Variants in AGBL4 observed in about 807,000 individuals in gnomAD.
The protein encoded by AGBL4 is AGBL carboxypeptidase 4.
A neutral mutation model predicts 66.4 loss-of-function variants in AGBL4; 58 were observed. The observed-to-expected ratio is 0.87, with a 90% confidence interval of 0.71 to 1.09. The LOEUF is 1.09. Among genes scored for constraint, AGBL4 ranks in the 50% least tolerant of loss-of-function variants. AGBL4 has a pLI of 0.00. For synonymous variants in AGBL4, 234 were observed against 222.9 expected (o/e 1.05, Z -0.44); for missense variants, 579 against 631.0 (o/e 0.92, Z 0.88).
intron 6 of AGBL4, among the ~76,000 whole-genome samples, chr1:48,740,197 T>C (rs1649692765): frequency 6.6e-6 from 1 of 152,184 alleles, no homozygotes. Flanking sequence ...ATCACAGGTA[T>C]AGGCCGGGGC....
chr1:49,948,580 T>TAGAG (rs1427799013), intron 1 of AGBL4, among the ~76,000 whole-genome samples: 13 of 126,848 alleles, frequency 1.0e-4, no homozygotes, highest in African/African-American at 3.3e-4. Flanking sequence ...TATATATATA[T>TAGAG]ATAGAGAGAG....
intron 9 of AGBL4, among the ~76,000 whole-genome samples, chr1:48,618,108 C>T (rs1645349508): frequency 6.6e-6 from 1 of 152,164 alleles, no homozygotes; most frequent in Non-Finnish European, 1.5e-5. Flanking sequence ...GTAGCTCACA[C>T]CTGTAATCCT....
chr1:49,785,057 C>A (rs1477078556), intron 2 of AGBL4, among the ~76,000 whole-genome samples: 1 of 151,944 alleles, frequency 6.6e-6, no homozygotes, highest in Non-Finnish European at 1.5e-5. Flanking sequence ...CATCTGAAAG[C>A]AAAGTGGCAA....
At chr1:49,240,062 ATAGAG>A (rs914361372) in intron 4 of AGBL4, among the ~76,000 whole-genome samples, 7 of 152,018 alleles carry the variant, frequency 4.6e-5, no homozygotes, top group Non-Finnish European at 1.0e-4. Context: ...GTTTTTAATA[ATAGAG>A]TAAAGGCCCC....
At chr1:49,964,123 T>C (rs1657354053) in intron 1 of AGBL4, among the ~76,000 whole-genome samples, 1 of 152,172 alleles carries the variant, frequency 6.6e-6, no homozygotes, top group Non-Finnish European at 1.5e-5. Flanking sequence ...TAGGATCTTG[T>C]GCGGATTCAG....
At chr1:49,194,529 T>C (rs926023876) in intron 4 of AGBL4, among the ~76,000 whole-genome samples, 1 of 152,216 alleles carries the variant, frequency 6.6e-6, no homozygotes, top group East Asian at 1.9e-4. Context: ...TTAATATTGA[T>C]ATGTGAGGTT....
intron 1 of AGBL4, among the ~76,000 whole-genome samples, chr1:49,989,825 TA>T (rs1204562570): frequency 2.0e-5 from 3 of 152,320 alleles, no homozygotes; most frequent in Non-Finnish European, 4.4e-5. Flanking sequence ...TTTACAGTAT[TA>T]TTTCCTTACA....
At chr1:48,837,629 G>C (rs1646705634) in intron 6 of AGBL4, among the ~76,000 whole-genome samples, 1 of 148,772 alleles carries the variant, frequency 6.7e-6, no homozygotes, top group Non-Finnish European at 1.5e-5. Context: ...CTATTGTGGG[G>C]CCTTGTGATT....
intron 3 of AGBL4, among the ~76,000 whole-genome samples, chr1:49,680,837 T>A (rs571963774): frequency 2.3e-4 from 35 of 152,258 alleles, no homozygotes; most frequent in African/African-American, 7.9e-4. Context: ...GGAACTTCAA[T>A]AACATGAATT....
rs185794753 is a variant in AGBL4, at chr1:49,120,977, T to C, written c.378-75177A>G. 2.6e-3 allele frequency among the ~76,000 whole-genome samples: 394 copies of C among 152,332 alleles called. 3 individuals are homozygous for C. The highest frequency in any genetic ancestry group is 9.2e-3 in the African/African-American group (383 of 41,588). On this transcript the variant is annotated intron_variant, in intron 4 of 13. Transcript: ENST00000371839. Reference sequence around the variant, plus strand: ...ATTTGATCTTCAATCACTGATACCCTTTCTTCCACTTGATCGAATGGGCTA... The same window carrying C: ...ATTTGATCTTCAATCACTGATACCCCTTCTTCCACTTGATCGAATGGGCTA...
intron 3 of AGBL4, among the ~76,000 whole-genome samples, chr1:49,669,468 A>G (rs1175995764): frequency 6.6e-6 from 1 of 152,170 alleles, no homozygotes; most frequent in Non-Finnish European, 1.5e-5. Flanking sequence ...AACCCACATG[A>G]CCATTGTCCC....
At chr1:49,108,800 C>T (rs547168547) in intron 4 of AGBL4, among the ~76,000 whole-genome samples, 7 of 152,222 alleles carry the variant, frequency 4.6e-5, no homozygotes, top group Admixed American at 3.9e-4. Context: ...GGGTGACAGC[C>T]GGACAGAGGT....
intron 3 of AGBL4, among the ~76,000 whole-genome samples, chr1:49,381,198 C>T (rs1644598733): frequency 6.6e-6 from 1 of 152,172 alleles, no homozygotes; most frequent in Non-Finnish European, 1.5e-5. Flanking sequence ...TATGAACAGA[C>T]ACTTCTCAAA....
chr1:48,698,278 C>A (rs886648755), intron 6 of AGBL4, among the ~76,000 whole-genome samples: 3 of 152,152 alleles, frequency 2.0e-5, no homozygotes, highest in Admixed American at 1.3e-4. Context: ...AGCAAAGAGG[C>A]TGGAGTGGAC....
intron 1 of AGBL4, among the ~76,000 whole-genome samples, chr1:49,956,182 G>A (rs1309603465): frequency 6.6e-6 from 1 of 151,742 alleles, no homozygotes; most frequent in Non-Finnish European, 1.5e-5. Flanking sequence ...AATTAGGATG[G>A]AGAGATAAAA....
chr1:49,743,735 G>C (rs1462367806), intron 2 of AGBL4, among the ~76,000 whole-genome samples: 1 of 152,014 alleles, frequency 6.6e-6, no homozygotes, highest in Non-Finnish European at 1.5e-5. Flanking sequence ...AAAAAATTAT[G>C]AGTTCACGTC....
chr1:49,552,211 T>A (rs1410524816), intron 3 of AGBL4, among the ~76,000 whole-genome samples: 1 of 152,140 alleles, frequency 6.6e-6, no homozygotes, highest in African/African-American at 2.4e-5. Flanking sequence ...GCTTGAGAAC[T>A]TACCCCAAGC....
intron 4 of AGBL4, among the ~76,000 whole-genome samples, chr1:49,232,774 C>G (rs1233199240): frequency 6.7e-6 from 1 of 149,032 alleles, no homozygotes; most frequent in Non-Finnish European, 1.5e-5. Flanking sequence ...TTTTGTTAAT[C>G]ATAAATAAAT....
intron 9 of AGBL4, among the ~76,000 whole-genome samples, chr1:48,623,049 G>GC (rs1303431352): frequency 6.6e-6 from 1 of 152,158 alleles, no homozygotes; most frequent in Non-Finnish European, 1.5e-5. Flanking sequence ...ATGGAGAGAA[G>GC]CCCCCTCAGA....
Sources: allele counts gnomAD v4.1 joint callset (sites outside exome capture counted in the v4.1 genomes callset), GRCh38; gene constraint gnomAD v4.1.1; transcripts MANE v1.5; gene names NCBI Gene and HGNC (gene_info 2026-07-23, HGNC 2026-07-21).